CALN1: variants seen among roughly 807,000 people sequenced by gnomAD.
The protein encoded by CALN1 is calcium-binding protein 8.
In CALN1, 17 loss-of-function variants were observed where a neutral mutation model predicts 30.6. That is an observed-to-expected ratio of 0.56 (90% CI 0.38 to 0.83). CALN1 has a LOEUF of 0.83. Ranked by LOEUF, CALN1 falls within the 40% of genes least tolerant of loss-of-function variation. CALN1 has a pLI of 0.00. For missense variants in CALN1, 291 were observed against 354.9 expected (o/e 0.82, Z 1.45); for synonymous variants, 156 against 131.4 (o/e 1.19, Z -1.28).
intron 6 of CALN1, among the ~76,000 whole-genome samples, chr7:71,804,502 T>A (rs1426198264): frequency 6.6e-6 from 1 of 152,164 alleles, no homozygotes; most frequent in Admixed American, 6.6e-5. Context: ...AGCAGGACTC[T>A]CTTTATTTTA....
At chr7:71,878,838 T>C (rs1792403993) in intron 5 of CALN1, among the ~76,000 whole-genome samples, 1 of 152,178 alleles carries the variant, frequency 6.6e-6, no homozygotes. Flanking sequence ...CAAGCCTGAA[T>C]TCCTGGTGAC....
chr7:72,357,060 C>T (rs961442280), intron 2 of CALN1, among the ~76,000 whole-genome samples: 1 of 151,910 alleles, frequency 6.6e-6, no homozygotes, highest in Non-Finnish European at 1.5e-5. Flanking sequence ...CTCCCTGAAA[C>T]CTACAAAAAC....
intron 3 of CALN1, among the ~76,000 whole-genome samples, chr7:72,201,993 A>C (rs976965810): frequency 6.6e-6 from 1 of 152,170 alleles, no homozygotes; most frequent in Non-Finnish European, 1.5e-5. Context: ...CCCTTTCAAA[A>C]CCATATCACA....
intron 2 of CALN1, chr7:72,336,834 C>T (rs1006939007): frequency 2.4e-4 from 237 of 984,976 alleles, no homozygotes; most frequent in Non-Finnish European, 2.7e-4. Flanking sequence ...CTCAGCCTCT[C>T]GCTCACACCC....
upstream of CALN1, among the ~76,000 whole-genome samples, chr7:72,416,155 C>T (rs375788484): frequency 1.3e-5 from 2 of 152,234 alleles, no homozygotes; most frequent in African/African-American, 4.8e-5. Context: ...AGCACCTCTC[C>T]GTGAGACACA....
chr7:72,409,219 G>A (rs1209382600), intron 1 of CALN1, among the ~76,000 whole-genome samples: 1 of 150,976 alleles, frequency 6.6e-6, no homozygotes, highest in Non-Finnish European at 1.5e-5. Flanking sequence ...TGGTCTCCAA[G>A]TCCTGACCTC....
chr7:71,839,586 T>C (rs1330273842), intron 5 of CALN1, among the ~76,000 whole-genome samples: 1 of 152,182 alleles, frequency 6.6e-6, no homozygotes, highest in Non-Finnish European at 1.5e-5. Context: ...TTATGGATTC[T>C]GTGGGTCAGG....
chr7:72,035,052 G>T (rs1256993748), intron 4 of CALN1, among the ~76,000 whole-genome samples: 4 of 152,096 alleles, frequency 2.6e-5, no homozygotes, highest in Admixed American at 2.6e-4. Context: ...CGTCTGGCAG[G>T]TGGGGCATAG....
intron 2 of CALN1, among the ~76,000 whole-genome samples, chr7:72,303,044 G>A (rs1438871299): frequency 2.6e-5 from 4 of 151,312 alleles, no homozygotes; most frequent in South Asian, 2.1e-4. Flanking sequence ...TGGTGCCATT[G>A]CACTCTAACC....
intron 5 of CALN1, among the ~76,000 whole-genome samples, chr7:71,964,516 A>G (rs1797434290): frequency 6.6e-6 from 1 of 152,132 alleles, no homozygotes; most frequent in African/African-American, 2.4e-5. Flanking sequence ...TTGGAGAATG[A>G]GTGTAAGGTT....
chr7:71,820,342 T>C (rs1476360037), intron 5 of CALN1, among the ~76,000 whole-genome samples: 2 of 152,196 alleles, frequency 1.3e-5, no homozygotes, highest in Non-Finnish European at 2.9e-5. Context: ...CTTATGTGTA[T>C]TGACATTTTA....
chr7:72,077,436 G>A (rs1804825378), intron 4 of CALN1, among the ~76,000 whole-genome samples: 1 of 152,060 alleles, frequency 6.6e-6, no homozygotes, highest in African/African-American at 2.4e-5. Flanking sequence ...ATCACGCCCA[G>A]CTAATTTTTG....
At chr7:72,420,393 G>C (rs1242410778) in intron 1 of CALN1, among the ~76,000 whole-genome samples, 2 of 151,976 alleles carry the variant, frequency 1.3e-5, no homozygotes, top group African/African-American at 4.8e-5. Context: ...AGATTTTGCT[G>C]AGTAGATGCT....
chr7:72,326,935 A>G (rs754162432), intron 2 of CALN1, among the ~76,000 whole-genome samples: 3 of 152,124 alleles, frequency 2.0e-5, no homozygotes, highest in Non-Finnish European at 4.4e-5. Context: ...TGGTTCTATT[A>G]CTTTGCAGTC....
At chr7:71,896,598 A>T (rs995616858) in intron 5 of CALN1, among the ~76,000 whole-genome samples, 6 of 152,170 alleles carry the variant, frequency 3.9e-5, no homozygotes, top group Non-Finnish European at 8.8e-5. Flanking sequence ...ACAGGATAGG[A>T]GGGCCTTGTG....
the CALN1 span, among the ~76,000 whole-genome samples, chr7:72,464,107 A>AGAG: frequency 6.6e-6 from 1 of 151,918 alleles, no homozygotes; most frequent in African/African-American, 2.4e-5. Flanking sequence ...AAAGAGAGAG[A>AGAG]AGAAAGAAAG....
At chr7:72,303,825 G>T (rs1585418964) in intron 2 of CALN1, among the ~76,000 whole-genome samples, 2 of 152,064 alleles carry the variant, frequency 1.3e-5, no homozygotes, top group Admixed American at 6.5e-5. Context: ...AGTGAGCTCT[G>T]ATCATGCCAC....
At chr7:72,370,108 A>G (rs1163060563) in intron 2 of CALN1, among the ~76,000 whole-genome samples, 1 of 152,148 alleles carries the variant, frequency 6.6e-6, no homozygotes, top group Non-Finnish European at 1.5e-5. Context: ...AGTTCCAATG[A>G]CTCTACATTG....
At chr7:72,136,446 T>C (rs1563087867) in intron 3 of CALN1, among the ~76,000 whole-genome samples, 3 of 152,228 alleles carry the variant, frequency 2.0e-5, no homozygotes, top group Non-Finnish European at 1.5e-5. Flanking sequence ...AGGTTTTGGC[T>C]TAAGGGAATG....
Sources: allele counts gnomAD v4.1 joint callset (sites outside exome capture counted in the v4.1 genomes callset), GRCh38; gene constraint gnomAD v4.1.1; transcripts MANE v1.5; gene names NCBI Gene and HGNC (gene_info 2026-07-23, HGNC 2026-07-21).